The following ATP8B1 variants were observed in gnomAD, a reference collection of about 807,000 sequenced individuals.
ATP8B1 encodes the protein phospholipid-transporting ATPase IC.
A neutral mutation model predicts 149.9 loss-of-function variants in ATP8B1; 80 were observed. The ratio of observed to expected loss-of-function variants is 0.53; its 90% CI spans 0.45 to 0.64. The LOEUF (loss-of-function observed/expected upper bound fraction) is 0.64, where lower values mean the gene tolerates loss of function less well. ATP8B1 is among the 30% of genes least tolerant of loss of function. The pLI is 0.00. For missense variants in ATP8B1, 1,247 were observed against 1,552.6 expected (o/e 0.80, Z 3.31); for synonymous variants, 536 against 562.8 (o/e 0.95, Z 0.67).
intron 6 of ATP8B1, 31 bp from the exon 7 acceptor site, chr18:57,697,898 A>G (rs781029859): frequency 6.4e-7 from 1 of 1,556,816 alleles, no homozygotes; most frequent in Admixed American, 1.7e-5. Flanking sequence ...GGATTTATTG[A>G]CATTTTAAGT....
At chr18:57,654,557 G>A (rs959429551) in intron 23 of ATP8B1, among the ~76,000 whole-genome samples, 1 of 152,062 alleles carries the variant, frequency 6.6e-6, no homozygotes, top group Non-Finnish European at 1.5e-5. Flanking sequence ...GACCTCAGGT[G>A]ACCCGCCCAC....
In ATP8B1 at chr18:57,706,540, G is replaced by A. The variant is rs1913403987; in HGVS notation, c.229C>T (p.Pro77Ser). The stretch of plus-strand genomic sequence containing the variant: ...AAGAATTTTGTGTTCATAAAGTGAG[G>A]TTGTTCGTGGTACTTGCGATCGTTT... ...KANDRKYHEQ[P>S]HFMNTKFLCI... The change falls in exon 3 of 28, where the codon CCT (proline) becomes TCT (serine). Residue 77 changes from proline to serine, a missense_variant. By Grantham distance (74) the Pro-to-Ser change is moderately conservative (BLOSUM62 -1). Transcript: ENST00000648908. 8 of 1,613,960 alleles carry A rather than the reference G, an allele frequency of 5.0e-6. No individual in the cohort carries two copies. The highest frequency in any genetic ancestry group is 1.1e-5 in the South Asian group (1 of 91,050).
chr18:57,740,152 G>A (rs973103034), intron 1 of ATP8B1, among the ~76,000 whole-genome samples: 7 of 151,998 alleles, frequency 4.6e-5, no homozygotes, highest in South Asian at 2.1e-4. Flanking sequence ...GTTCAATGGC[G>A]CGATCTCAGC....
intron 1 of ATP8B1, among the ~76,000 whole-genome samples, chr18:57,791,592 C>A (rs1475128800): frequency 1.3e-5 from 2 of 151,762 alleles, no homozygotes; most frequent in African/African-American, 2.4e-5. Flanking sequence ...TATCCCCCAG[C>A]CTCGGCCTCC....
Position 57,706,591 on chromosome 18 carries a change from T to TA in ATP8B1, c.182-5dup, listed in dbSNP as rs34583775. The stretch of plus-strand genomic sequence containing the variant: ...GCTTTGACTTGCCATGTACATTCTT[T>TA]AAAAAAAAGGGAGAAAAGTTCGTAA... On this transcript the variant is annotated splice_region_variant and splice_polypyrimidine_tract_variant and intron_variant, in intron 2 of 27. Coordinates refer to ENST00000648908, the MANE Select transcript of ATP8B1 (RefSeq NM_001374385.1). The TA allele has an allele frequency of 1.4e-4, 223 of 1,606,722 alleles. No individual in the cohort carries two copies. In the African/African-American group the frequency reaches 2.2e-3, roughly 16 times the overall value.
At chr18:57,657,890 A>T (rs1910110293) in intron 22 of ATP8B1, among the ~76,000 whole-genome samples, 1 of 152,218 alleles carries the variant, frequency 6.6e-6, no homozygotes. Context: ...CACTGAACAG[A>T]TACACTATAA....
At chr18:57,770,341 C>T (rs946819738) in intron 1 of ATP8B1, among the ~76,000 whole-genome samples, 1 of 152,240 alleles carries the variant, frequency 6.6e-6, no homozygotes, top group African/African-American at 2.4e-5. Context: ...TCCAATATTT[C>T]ACATTTCGGT....
chr18:57,794,256 C>T (rs1301823628), intron 1 of ATP8B1, among the ~76,000 whole-genome samples: 1 of 151,982 alleles, frequency 6.6e-6, no homozygotes, highest in African/African-American at 2.4e-5. Flanking sequence ...ATATGAGAGT[C>T]TATTGTTCTC....
chr18:57,702,216 C>G (rs536923322), intron 4 of ATP8B1, among the ~76,000 whole-genome samples: 2 of 152,278 alleles, frequency 1.3e-5, no homozygotes, highest in South Asian at 4.1e-4. Flanking sequence ...AGTGAGCTGG[C>G]CTTCCTCCAT....
rs141156091 is a variant in ATP8B1, at chr18:57,710,104, C to G, written c.182-3517G>C. On this transcript the variant is annotated intron_variant, in intron 2 of 27. Coordinates refer to ENST00000648908, the MANE Select transcript of ATP8B1 (RefSeq NM_001374385.1). ...CCTCCTGCCTCAGCCTTCAGAGTAG[C>G]TGGGATTACAGGCATGCACCACACT... Among the ~76,000 whole-genome samples the G allele has an allele frequency of 2.6e-3, 397 of 151,802 alleles. 1 individual carries two copies. The highest frequency in any genetic ancestry group is 4.8e-3 in the Non-Finnish European group (324 of 67,996).
At chr18:57,713,215 C>T (rs1305984612) in intron 2 of ATP8B1, among the ~76,000 whole-genome samples, 29 of 128,722 alleles carry the variant, frequency 2.3e-4, no homozygotes, top group African/African-American at 8.7e-4. Context: ...TTCCTTCCTT[C>T]CTTCCTTCCT....
chr18:57,754,445 A>ATATATAT (rs1568055294), intron 1 of ATP8B1, among the ~76,000 whole-genome samples: 1 of 135,952 alleles, frequency 7.4e-6, no homozygotes, highest in African/African-American at 3.0e-5. Context: ...CTAACAAAAA[A>ATATATAT]ATATATATAT....
At chr18:57,696,352 G>C (rs1416474775) in intron 8 of ATP8B1, among the ~76,000 whole-genome samples, 2 of 152,158 alleles carry the variant, frequency 1.3e-5, no homozygotes, top group African/African-American at 2.4e-5. Flanking sequence ...TCAGGAGTTT[G>C]AGACCAACCT....
chr18:57,675,570 T>C (rs957639341), intron 15 of ATP8B1, among the ~76,000 whole-genome samples: 91 of 152,298 alleles, frequency 6.0e-4, no homozygotes, highest in African/African-American at 1.9e-3. Flanking sequence ...TTCTGTTTCT[T>C]TTTTCTTTTT....
At chr18:57,662,703 G>A in intron 20 of ATP8B1, 88 bp from the exon 21 acceptor site, 1 of 1,455,754 alleles carries the variant, frequency 6.9e-7, no homozygotes, top group African/African-American at 1.4e-5. Flanking sequence ...AAAAAATTGT[G>A]ACAAAAAAAC....
At chr18:57,734,217 T>C (rs2079822070) in intron 1 of ATP8B1, 2 of 152,208 alleles carry the variant, frequency 1.3e-5, no homozygotes, top group African/African-American at 4.8e-5. Context: ...TGAGACAGAG[T>C]ATCGCTCTGT....
intron 2 of ATP8B1, among the ~76,000 whole-genome samples, chr18:57,721,932 G>C (rs1316057379): frequency 0.013 from 1,580 of 122,522 alleles, 56 homozygotes; most frequent in African/African-American, 0.051. Context: ...TAGAACTCAG[G>C]ATTAAGAATC....
intron 22 of ATP8B1, chr18:57,659,743 G>A (rs1010866179): frequency 1.3e-5 from 2 of 151,832 alleles, no homozygotes; most frequent in South Asian, 2.1e-4. Context: ...GATGACATAC[G>A]TCATACAGCT....
At chr18:57,719,031 G>A (rs1023306724) in intron 2 of ATP8B1, among the ~76,000 whole-genome samples, 1 of 152,104 alleles carries the variant, frequency 6.6e-6, no homozygotes, top group African/African-American at 2.4e-5. Context: ...AGAAATAAAC[G>A]GCATCCAAAT....
Sources: gnomAD v4.1 joint callset for allele counts (sites outside exome capture counted in the v4.1 genomes callset) on GRCh38, gnomAD v4.1.1 for gene constraint, MANE v1.5 for transcripts, NCBI Gene and HGNC (gene_info 2026-07-23, HGNC 2026-07-21) for gene names.